Variants in RP1 observed in about 807,000 individuals in gnomAD.
RP1 encodes RP1 axonemal microtubule associated.
Under a neutral mutation model 14.8 loss-of-function variants are expected in RP1, and 16 were observed. That is an observed-to-expected ratio of 1.08 (90% CI 0.73 to 1.65). The LOEUF is 1.65. Ranked by LOEUF, RP1 falls within the 40% of genes most tolerant of loss-of-function variation. The pLI is 0.00. For missense variants in RP1, 2,631 were observed against 2,535.0 expected (o/e 1.04, Z -0.81); for synonymous variants, 876 against 883.6 (o/e 0.99, Z 0.15).
At chr8:54,845,892 C>T (rs1811906529) in intron 25 of RP1, among the ~76,000 whole-genome samples, 1 of 152,168 alleles carries the variant, frequency 6.6e-6, no homozygotes, top group Non-Finnish European at 1.5e-5. Flanking sequence ...GGCCCTTCCT[C>T]CTGAAACATC....
Position 54,839,732 on chromosome 8 carries a change from A to G in RP1, c.3835+2063A>G, listed in dbSNP as rs1001427286. ...TGGTACTCCATCCCACATACTCTCA[A>G]TCTCTGTTAGAATGGCACAGAACAC... On this transcript the variant is annotated intron_variant, in intron 25 of 28. Transcript: ENST00000637698. 2.6e-5 allele frequency among the ~76,000 whole-genome samples: 4 copies of G among 152,014 alleles called. 1 individual carries two copies. In the South Asian group the frequency reaches 6.2e-4, roughly 24 times the overall value.
chr8:54,853,377 A>T (rs1360165653), intron 26 of RP1, among the ~76,000 whole-genome samples: 1 of 152,118 alleles, frequency 6.6e-6, no homozygotes, highest in African/African-American at 2.4e-5. Context: ...AAAGAGGAAG[A>T]CTCAGTGGAA....
At chr8:54,703,251 A>C (rs2129344051) in intron 14 of RP1, among the ~76,000 whole-genome samples, 1 of 152,308 alleles carries the variant, frequency 6.6e-6, no homozygotes, top group Admixed American at 6.5e-5. Flanking sequence ...GTATTTCTTA[A>C]ATAATAAGGC....
chr8:54,866,784 A>C (rs1215281386), intron 28 of RP1, among the ~76,000 whole-genome samples: 1 of 152,188 alleles, frequency 6.6e-6, no homozygotes, highest in African/African-American at 2.4e-5. Context: ...TGTTAACGAC[A>C]TGAGGGCAAT....
exon 25 of RP1, chr8:54,837,466 T>C (rs992883643): frequency 5.7e-6 from 7 of 1,228,180 alleles, no homozygotes; most frequent in African/African-American, 1.6e-5. Flanking sequence ...CTCAAAGATA[T>C]TGGTGAAATC....
chr8:54,579,310 C>CTTAGTTTA, intron 1 of RP1, among the ~76,000 whole-genome samples: 1 of 152,194 alleles, frequency 6.6e-6, no homozygotes, highest in South Asian at 2.1e-4. Flanking sequence ...CTAAGCAAAC[C>CTTAGTTTA]GAGGATGAGA....
intron 24 of RP1, among the ~76,000 whole-genome samples, chr8:54,822,155 A>T (rs761998345): frequency 6.6e-6 from 1 of 152,240 alleles, no homozygotes; most frequent in Non-Finnish European, 1.5e-5. Flanking sequence ...GGTATATATA[A>T]TAGTTTAATT....
At chr8:54,755,092 G>A (rs925596699) in intron 20 of RP1, among the ~76,000 whole-genome samples, 3 of 152,176 alleles carry the variant, frequency 2.0e-5, no homozygotes, top group African/African-American at 7.2e-5. Flanking sequence ...CACAGCATGA[G>A]TTGCTGGTGG....
chr8:54,838,920 T>C (rs1182805828), intron 25 of RP1, among the ~76,000 whole-genome samples: 1 of 152,244 alleles, frequency 6.6e-6, no homozygotes, highest in Non-Finnish European at 1.5e-5. Flanking sequence ...ATAGAGCTTA[T>C]GTCACAGGAT....
At chr8:54,806,274 C>T (rs998957793) in intron 24 of RP1, among the ~76,000 whole-genome samples, 3 of 152,130 alleles carry the variant, frequency 2.0e-5, no homozygotes, top group Admixed American at 6.5e-5. Flanking sequence ...GTCTTGGCCT[C>T]CCAAAGTGCT....
At chr8:54,604,643 A>T (rs1221799879) in intron 1 of RP1, among the ~76,000 whole-genome samples, 1 of 152,200 alleles carries the variant, frequency 6.6e-6, no homozygotes, top group Non-Finnish European at 1.5e-5. Flanking sequence ...CTCTGGTAGA[A>T]TTCGGCAGTC....
chr8:54,794,071 T>C (rs1810527511), intron 24 of RP1, among the ~76,000 whole-genome samples: 1 of 151,934 alleles, frequency 6.6e-6, no homozygotes, highest in Non-Finnish European at 1.5e-5. Flanking sequence ...TATGTACAAT[T>C]AAACGGAAAG....
At chr8:54,604,285 A>G (rs1045174380) in intron 1 of RP1, among the ~76,000 whole-genome samples, 1 of 152,156 alleles carries the variant, frequency 6.6e-6, no homozygotes, top group Non-Finnish European at 1.5e-5. Flanking sequence ...TTCTGCATCT[A>G]TTGAGATAAT....
At chr8:54,776,061 A>G (rs1810030199) in intron 23 of RP1, among the ~76,000 whole-genome samples, 1 of 152,220 alleles carries the variant, frequency 6.6e-6, no homozygotes, top group South Asian at 2.1e-4. Context: ...AACAACAGAA[A>G]GTAATACACA....
chr8:54,803,643 T>C (rs1009327143), intron 24 of RP1, among the ~76,000 whole-genome samples: 1 of 152,174 alleles, frequency 6.6e-6, no homozygotes, highest in Admixed American at 6.5e-5. Context: ...ATTTCCAGGG[T>C]ATATTATGTA....
intron 24 of RP1, among the ~76,000 whole-genome samples, chr8:54,812,243 C>A (rs963570937): frequency 1.3e-5 from 2 of 152,178 alleles, no homozygotes; most frequent in Non-Finnish European, 2.9e-5. Context: ...CAGACTCAAG[C>A]GATTCTTGTG....
chr8:54,611,745 C>T (rs1312976237), upstream of RP1, among the ~76,000 whole-genome samples: 1 of 152,072 alleles, frequency 6.6e-6, no homozygotes, highest in Non-Finnish European at 1.5e-5. Context: ...ATACTTTCCT[C>T]TTTTTTAATG....
intron 17 of RP1, chr8:54,726,522 T>G: frequency 6.7e-7 from 1 of 1,501,546 alleles, no homozygotes; most frequent in Non-Finnish European, 8.8e-7. Context: ...GTTTGCTGCA[T>G]TATTTCTTCC....
intron 14 of RP1, among the ~76,000 whole-genome samples, chr8:54,701,861 AG>A (rs1808029801): frequency 6.6e-6 from 1 of 152,146 alleles, no homozygotes; most frequent in African/African-American, 2.4e-5. Context: ...TGACACTCTG[AG>A]GGGATTAATA....
Sources: gnomAD v4.1 joint callset for allele counts (sites outside exome capture counted in the v4.1 genomes callset) on GRCh38, gnomAD v4.1.1 for gene constraint, MANE v1.5 for transcripts, NCBI Gene and HGNC (gene_info 2026-07-23, HGNC 2026-07-21) for gene names.